The following IARS1 variants were observed in gnomAD, a reference collection of about 807,000 sequenced individuals.
IARS1 encodes isoleucyl-tRNA synthetase 1.
IARS1 carries 124 observed loss-of-function variants against 168.2 expected under a neutral mutation model. The ratio of observed to expected loss-of-function variants is 0.74; its 90% CI spans 0.64 to 0.86. The LOEUF is 0.86. IARS1 is among the 40% of genes least tolerant of loss of function. The pLI, the probability that IARS1 is intolerant of heterozygous loss-of-function variation, is 0.00. For synonymous variants in IARS1, 532 were observed against 529.4 expected (o/e 1.00, Z -0.07); for missense variants, 1,452 against 1,515.8 (o/e 0.96, Z 0.70).
intron 31 of IARS1, among the ~76,000 whole-genome samples, chr9:92,226,255 G>A (rs1219241657): frequency 6.6e-6 from 1 of 152,106 alleles, no homozygotes; most frequent in Non-Finnish European, 1.5e-5. Flanking sequence ...TTTTCCAGTG[G>A]TTCCAACAAT....
chr9:92,232,954 T>G (rs1163546652), intron 30 of IARS1, among the ~76,000 whole-genome samples: 2 of 152,198 alleles, frequency 1.3e-5, no homozygotes, highest in African/African-American at 2.4e-5. Flanking sequence ...TTTTAAGCCT[T>G]TGATATTTTT....
intron 33 of IARS1, among the ~76,000 whole-genome samples, chr9:92,222,096 TCA>T (rs1839743865): frequency 6.6e-6 from 1 of 152,012 alleles, no homozygotes; most frequent in African/African-American, 2.4e-5. Flanking sequence ...GGTGGGCGGA[TCA>T]CCTGAGGTCA....
chr9:92,221,287 A>G (rs913962327), intron 33 of IARS1, among the ~76,000 whole-genome samples: 4 of 149,916 alleles, frequency 2.7e-5, no homozygotes, highest in Non-Finnish European at 6.0e-5. Context: ...ACCAGAGAGA[A>G]TGAATAAGAG....
chr9:92,231,780 G>A (rs1009818030), intron 30 of IARS1, among the ~76,000 whole-genome samples: 1 of 151,888 alleles, frequency 6.6e-6, no homozygotes, highest in Admixed American at 6.6e-5. Context: ...ATTCATAAAA[G>A]ATTTCTATTT....
intron 31 of IARS1, among the ~76,000 whole-genome samples, chr9:92,223,756 G>C (rs983044633): frequency 6.6e-6 from 1 of 152,104 alleles, no homozygotes; most frequent in Non-Finnish European, 1.5e-5. Flanking sequence ...TATTTTCTCT[G>C]TATAATACAG....
intron 30 of IARS1, among the ~76,000 whole-genome samples, chr9:92,233,411 A>G (rs1564162227): frequency 6.6e-6 from 1 of 152,254 alleles, no homozygotes; most frequent in Non-Finnish European, 1.5e-5. Flanking sequence ...CCTGAAAACT[A>G]TTGTAAGCAA....
intron 26 of IARS1, 82 bp from the exon 27 acceptor site, chr9:92,245,153 G>T: frequency 9.2e-7 from 1 of 1,089,642 alleles, no homozygotes; most frequent in South Asian, 1.3e-5. Flanking sequence ...GCCCCTTCTT[G>T]ATTAAAATTT....
At chr9:92,273,918 T>C (rs1242208443) in intron 10 of IARS1, among the ~76,000 whole-genome samples, 2 of 152,258 alleles carry the variant, frequency 1.3e-5, no homozygotes, top group African/African-American at 4.8e-5. Context: ...AACTGCCCGT[T>C]AGTGGCAGTG....
At chr9:92,277,719 C>A in intron 9 of IARS1, 144 bp downstream of exon 9, 11 of 568,986 alleles carry the variant, frequency 1.9e-5, no homozygotes, top group South Asian at 9.1e-5. Context: ...GCTACACAAA[C>A]AATTTAATTT....
chr9:92,241,013 T>A (rs749618886), intron 29 of IARS1, 52 bp from the exon 30 acceptor site: 7 of 993,298 alleles, frequency 7.0e-6, no homozygotes, highest in Middle Eastern at 2.0e-4. Flanking sequence ...GACTGCAATG[T>A]GCCACACCAT....
intron 27 of IARS1, chr9:92,243,525 T>C (rs1828751810): frequency 9.2e-6 from 4 of 432,460 alleles, no homozygotes; most frequent in Non-Finnish European, 1.7e-5. Flanking sequence ...GTGCAGGTTT[T>C]TGTTTCTTGT....
intron 20 of IARS1, among the ~76,000 whole-genome samples, chr9:92,254,725 T>C (rs1564173408): frequency 6.6e-6 from 1 of 151,958 alleles, no homozygotes; most frequent in Non-Finnish European, 1.5e-5. Context: ...TGGATAAACA[T>C]ACAACACACA....
intron 27 of IARS1, chr9:92,243,520 G>T: frequency 2.2e-6 from 1 of 445,414 alleles, no homozygotes; most frequent in Non-Finnish European, 4.1e-6. Context: ...AAGGTGTGCA[G>T]GTTTTTGTTT....
At chr9:92,261,029 C>T (rs1477509947) in intron 17 of IARS1, among the ~76,000 whole-genome samples, 1 of 152,162 alleles carries the variant, frequency 6.6e-6, no homozygotes, top group Non-Finnish European at 1.5e-5. Context: ...AAAAAGCCAG[C>T]TGGGTGCGGT....
intron 5 of IARS1, 68 bp downstream of exon 5, chr9:92,286,468 G>A (rs1835482764): frequency 2.5e-6 from 2 of 788,772 alleles, no homozygotes; most frequent in Non-Finnish European, 4.3e-6. Flanking sequence ...TCATGCTAGT[G>A]CATTTTTCCA....
chr9:92,247,799 C>A (rs535712200), intron 25 of IARS1, among the ~76,000 whole-genome samples: 1 of 152,148 alleles, frequency 6.6e-6, no homozygotes. Context: ...AGGTGAAACA[C>A]GCCAGACATA....
intron 32 of IARS1, among the ~76,000 whole-genome samples, chr9:92,223,027 G>A (rs1839888584): frequency 6.6e-6 from 1 of 152,134 alleles, no homozygotes; most frequent in South Asian, 2.1e-4. Flanking sequence ...TGTTGATTAA[G>A]GCATGGAGGT....
At chr9:92,223,931 T>C (rs1395195955) in intron 31 of IARS1, among the ~76,000 whole-genome samples, 1 of 152,196 alleles carries the variant, frequency 6.6e-6, no homozygotes, top group African/African-American at 2.4e-5. Flanking sequence ...TTAGAGAACA[T>C]TAAACGTTGC....
At chr9:92,284,692 C>A (rs983507352) in intron 6 of IARS1, among the ~76,000 whole-genome samples, 1 of 152,100 alleles carries the variant, frequency 6.6e-6, no homozygotes, top group Non-Finnish European at 1.5e-5. Flanking sequence ...CTGCTTGAAT[C>A]GGGTAGGTGG....
Sources: gnomAD v4.1 joint callset for allele counts (sites outside exome capture counted in the v4.1 genomes callset) on GRCh38, gnomAD v4.1.1 for gene constraint, MANE v1.5 for transcripts, NCBI Gene and HGNC (gene_info 2026-07-23, HGNC 2026-07-21) for gene names.